Variants in ARHGAP39 observed in about 807,000 individuals in gnomAD.
ARHGAP39 encodes the protein rho GTPase-activating protein 39.
Under a neutral mutation model 106.9 loss-of-function variants are expected in ARHGAP39, and 44 were observed. The ratio of observed to expected loss-of-function variants is 0.41; its 90% confidence interval spans 0.32 to 0.53. ARHGAP39 has a LOEUF of 0.53. Ranked by LOEUF, ARHGAP39 falls within the 20% of genes least tolerant of loss-of-function variation. The pLI is 0.21. For missense variants in ARHGAP39, 1,496 were observed against 1,577.3 expected, an observed-to-expected ratio of 0.95 and a Z score of 0.87; for synonymous variants, 768 against 693.2, an observed-to-expected ratio of 1.11 and a Z score of -1.69.
chr8:144,629,353 C>A (rs1378505670), intron 1 of ARHGAP39, among the ~76,000 whole-genome samples: 1 of 152,226 alleles, frequency 6.6e-6, no homozygotes, highest in Non-Finnish European at 1.5e-5. Flanking sequence ...GTGAGACCTC[C>A]AGGGCTCCAA....
chr8:144,602,498 ATC>A (rs1820054029), intron 2 of ARHGAP39, among the ~76,000 whole-genome samples: 1 of 110,426 alleles, frequency 9.1e-6, no homozygotes, highest in South Asian at 3.1e-4. Flanking sequence ...GAGCTCATGT[ATC>A]TGTGTACATG....
intron 3 of ARHGAP39, among the ~76,000 whole-genome samples, chr8:144,567,268 A>C (rs1818429535): frequency 6.6e-6 from 1 of 152,246 alleles, no homozygotes; most frequent in South Asian, 2.1e-4. Flanking sequence ...CCTAGGAAAA[A>C]CCAGGCCATA....
intron 4 of ARHGAP39, among the ~76,000 whole-genome samples, chr8:144,554,927 T>C (rs1245277204): frequency 6.6e-6 from 1 of 152,118 alleles, no homozygotes; most frequent in Non-Finnish European, 1.5e-5. Flanking sequence ...TGCCCCTGGG[T>C]GGCCCATGCT....
rs763178671 is a variant in ARHGAP39 at position 144,530,746 on chromosome 8, G to A, written c.3106C>T (p.Arg1036Cys). 1 of 1,609,874 alleles carries A rather than the reference G, an allele frequency of 6.2e-7. No individual in the cohort carries two copies. Among genetic ancestry groups the A allele is most frequent in the African/African-American group, 1.3e-5 (1 of 75,004 alleles). ...TAGCACAGCACCATGCGGTTGATGC[G>A]GGGCAGCGCGTGCACCACGGCCACC... Reference protein sequence around the residue: ...AAVAVVHALPRINRMVLCYLI... With the variant: ...AAVAVVHALPCINRMVLCYLI... Residue 1036 changes from arginine (R) to cysteine (C), a missense_variant, in exon 11 of 12, where the codon CGC (arginine) becomes TGC (cysteine). Arg to Cys is a radical substitution (Grantham distance 180). This residue lies in a region of ARHGAP39 where 470 missense variants were observed against 605.1 expected (regional missense o/e 0.78). Coordinates refer to ENST00000377307, the MANE Select transcript of ARHGAP39 (RefSeq NM_025251.3).
chr8:144,618,823 C>T (rs913877019), intron 1 of ARHGAP39, among the ~76,000 whole-genome samples: 6 of 152,376 alleles, frequency 3.9e-5, no homozygotes, highest in South Asian at 2.1e-4. Flanking sequence ...TACCTCCTCC[C>T]GAGGCCCTGT....
chr8:144,626,597 C>T (rs1007080302), intron 1 of ARHGAP39, among the ~76,000 whole-genome samples: 17 of 151,790 alleles, frequency 1.1e-4, no homozygotes, highest in Non-Finnish European at 1.8e-4. Context: ...TCCCCTGTCC[C>T]GGCGGCCCCG....
intron 1 of ARHGAP39, among the ~76,000 whole-genome samples, chr8:144,674,843 C>T (rs143607298): frequency 9.2e-4 from 140 of 152,348 alleles, no homozygotes; most frequent in Non-Finnish European, 1.7e-3. Flanking sequence ...AGTGCATGTA[C>T]ACCTGGCCAG....
rs777563207 is a variant in ARHGAP39 at position 144,547,611 on chromosome 8, C to A, written c.1475G>T (p.Arg492Leu). 2 of 1,488,538 alleles carry A rather than the reference C, an allele frequency of 1.3e-6. No individual in the cohort carries two copies. The highest frequency in any genetic ancestry group is 1.3e-5 in the South Asian group (1 of 74,736). The allele number at this position is 1,488,538 out of a possible 1,614,324, so 92.2% of individuals were successfully genotyped here. The change falls in exon 5 of 12, where the codon CGC becomes CTC. Residue 492 changes from arginine (R) to leucine (L), a missense_variant. Coordinates refer to ENST00000377307, the MANE Select transcript of ARHGAP39 (RefSeq NM_025251.3). This position sits in a 1 kb window ranked among gnomAD's most constrained non-coding sequence, Gnocchi z 5.2. ...LSSTGYSPGTRKRKSRKPSLC... is the reference protein window; with the variant it reads ...LSSTGYSPGTLKRKSRKPSLC... ...AGAGGGCTTTCTGCTCTTCCGCTTGCGCGTGCCCGGGGAGTAGCCTGTGGA... is the reference window on the plus strand; with the variant it reads ...AGAGGGCTTTCTGCTCTTCCGCTTGAGCGTGCCCGGGGAGTAGCCTGTGGA...
At chr8:144,580,494 G>C (rs1172874334) in intron 3 of ARHGAP39, among the ~76,000 whole-genome samples, 1 of 152,286 alleles carries the variant, frequency 6.6e-6, no homozygotes, top group East Asian at 1.9e-4. Context: ...GTGCTCACTG[G>C]GGACAGCAGC....
chr8:144,601,354 G>GTGTGTGTGCTCGTGTACCTGTGTGCC lies in ARHGAP39; in HGVS notation c.80+4180_80+4181insGGCACACAGGTACACGAGCACACACA, dbSNP rs1563699121. Among the ~76,000 whole-genome samples the GTGTGTGTGCTCGTGTACCTGTGTGCC allele has an allele frequency of 9.7e-5, 14 of 143,742 alleles. No homozygotes were observed. The South Asian group carries it at 2.9e-3, about 30-fold the overall frequency. 94.3% of individuals were successfully genotyped at this position (143,742 alleles called of 152,430 possible). ...TGTGTGTGCTCGTGTACCTGTGTGCGTGTGCGAGCTCATGTACCTGTGTGT... is the reference window on the plus strand; with the variant it reads ...TGTGTGTGCTCGTGTACCTGTGTGCGTGTGTGTGCTCGTGTACCTGTGTGCCTGTGCGAGCTCATGTACCTGTGTGT... On this transcript the variant is annotated intron_variant, in intron 2 of 11. Transcript: ENST00000377307.
At chr8:144,696,541 C>T in the ARHGAP39 span, among the ~76,000 whole-genome samples, 20 of 152,114 alleles carry the variant, frequency 1.3e-4, no homozygotes, top group Non-Finnish European at 2.2e-4. Flanking sequence ...TTTTTTATAG[C>T]TTCTGAGTTG....
chr8:144,690,480 T>TG (rs1161080346), upstream of ARHGAP39, among the ~76,000 whole-genome samples: 17 of 151,946 alleles, frequency 1.1e-4, no homozygotes, highest in African/African-American at 4.1e-4. Context: ...TGTTAATTTC[T>TG]GTTTTTTTTT....
intron 1 of ARHGAP39, among the ~76,000 whole-genome samples, chr8:144,653,995 C>T (rs1262846028): frequency 2.0e-5 from 3 of 152,212 alleles, no homozygotes; most frequent in African/African-American, 7.2e-5. Flanking sequence ...CACGTGAGCA[C>T]GGCTGTCTGG....
chr8:144,696,430 A>AT, the ARHGAP39 span, among the ~76,000 whole-genome samples: 3 of 152,114 alleles, frequency 2.0e-5, no homozygotes, highest in African/African-American at 7.2e-5. Context: ...GAGCCACCGC[A>AT]CCTGGCCGTG....
chr8:144,662,219 C>T (rs183694582), intron 1 of ARHGAP39, among the ~76,000 whole-genome samples: 2 of 148,346 alleles, frequency 1.3e-5, no homozygotes, highest in African/African-American at 5.0e-5. Flanking sequence ...TTGGACCGCT[C>T]CCCCGTCAGC....
At chr8:144,682,372 A>G (rs1379938148) in intron 1 of ARHGAP39, among the ~76,000 whole-genome samples, 2 of 150,932 alleles carry the variant, frequency 1.3e-5, no homozygotes, top group African/African-American at 2.4e-5. Flanking sequence ...ACATGGTGAA[A>G]CCCTGTTTCT....
At chr8:144,614,879 C>T (rs1820594156) in intron 1 of ARHGAP39, among the ~76,000 whole-genome samples, 1 of 152,126 alleles carries the variant, frequency 6.6e-6, no homozygotes, top group Non-Finnish European at 1.5e-5. Flanking sequence ...ACTTACTGTT[C>T]CCTCTAATCC....
intron 1 of ARHGAP39, among the ~76,000 whole-genome samples, chr8:144,619,480 G>C (rs1820728928): frequency 6.6e-6 from 1 of 151,998 alleles, no homozygotes; most frequent in Non-Finnish European, 1.5e-5. Flanking sequence ...GTGTGTCCCT[G>C]AGAGACCGTT....
At position 144,548,042 on chromosome 8, in the gene ARHGAP39, C is replaced by T. The variant is rs1472143235; in HGVS notation, c.1044G>A (p.Ser348=). The change falls in exon 5 of 12, where the codon TCG becomes TCA. Residue 348 remains serine (S), a synonymous_variant. Coordinates refer to ENST00000377307, the MANE Select transcript of ARHGAP39 (RefSeq NM_025251.3). This position sits in a 1 kb window ranked among gnomAD's most constrained non-coding sequence, Gnocchi z 7.4. ...GGYQAGSPQR[S]PGRKPRPFLQ... is the part of the protein sequence containing the mutation. ...GGAACGGCCGGGGCTTACGGCCCGG[C>T]GACCGCTGGGGAGAGCCGGCCTGGT... The T allele has an allele frequency of 3.7e-6, 6 of 1,602,796 alleles. No homozygotes were observed. In the Admixed American group the frequency reaches 5.1e-5, roughly 14 times the overall value.
Sources: allele counts gnomAD v4.1 joint callset (sites outside exome capture counted in the v4.1 genomes callset), GRCh38; gene constraint gnomAD v4.1.1; regional missense constraint gnomAD v4.1.1; non-coding constraint Gnocchi (gnomAD v3.1); transcripts MANE v1.5; gene names NCBI Gene and HGNC (gene_info 2026-07-23, HGNC 2026-07-21).